The following GNAQ variants were observed in gnomAD, a reference collection of about 807,000 sequenced individuals.
GNAQ encodes the protein guanine nucleotide-binding protein G(q) subunit alpha.
Under a neutral mutation model 43.9 loss-of-function variants are expected in GNAQ, and 8 were observed. That is an observed-to-expected ratio of 0.18 (90% CI 0.11 to 0.33). The LOEUF (loss-of-function observed/expected upper bound fraction) is 0.33. Ranked by LOEUF, GNAQ falls within the 10% of genes least tolerant of loss-of-function variation. The probability of loss-of-function intolerance (pLI) is 1.00; values close to 1 mark genes in which losing one functional copy is unlikely to be tolerated. For missense variants in GNAQ, 158 were observed against 450.8 expected (o/e 0.35, Z 5.88); for synonymous variants, 155 against 170.7 (o/e 0.91, Z 0.71).
intron 2 of GNAQ, among the ~76,000 whole-genome samples, chr9:77,876,494 C>T (rs78260230): frequency 0.012 from 1,782 of 152,278 alleles, 25 homozygotes; most frequent in African/African-American, 0.04. Flanking sequence ...ACTTTACCTG[C>T]TGGATAACAG....
intron 2 of GNAQ, among the ~76,000 whole-genome samples, chr9:77,827,291 G>A (rs1827213336): frequency 6.7e-6 from 1 of 149,114 alleles, no homozygotes; most frequent in Non-Finnish European, 1.5e-5. Context: ...ATGCTCTTCT[G>A]CTTGAATTCT....
At chr9:77,834,751 T>C (rs1281335677) in intron 2 of GNAQ, among the ~76,000 whole-genome samples, 2 of 152,178 alleles carry the variant, frequency 1.3e-5, no homozygotes, top group South Asian at 2.1e-4. Flanking sequence ...TATCAAGAAC[T>C]TTCTTCCTGT....
At chr9:77,773,478 A>G (rs1826260731) in intron 5 of GNAQ, among the ~76,000 whole-genome samples, 1 of 152,204 alleles carries the variant, frequency 6.6e-6, no homozygotes, top group Non-Finnish European at 1.5e-5. Flanking sequence ...CTCATTCTTC[A>G]CATTATGAGG....
At chr9:77,896,003 T>C (rs1828497991) in intron 2 of GNAQ, among the ~76,000 whole-genome samples, 1 of 152,146 alleles carries the variant, frequency 6.6e-6, no homozygotes, top group Admixed American at 6.5e-5. Flanking sequence ...GGGTATGTCT[T>C]TACCAGCAGC....
At chr9:77,924,307 C>A (rs558343771) in intron 1 of GNAQ, among the ~76,000 whole-genome samples, 1 of 152,010 alleles carries the variant, frequency 6.6e-6, no homozygotes, top group Non-Finnish European at 1.5e-5. Flanking sequence ...TATCAACCAA[C>A]GATTTATAGA....
intron 3 of GNAQ, among the ~76,000 whole-genome samples, chr9:77,804,625 C>T (rs1313944462): frequency 6.6e-6 from 1 of 152,160 alleles, no homozygotes; most frequent in African/African-American, 2.4e-5. Flanking sequence ...AAATTTCATG[C>T]AAATCCAACC....
intron 1 of GNAQ, among the ~76,000 whole-genome samples, chr9:77,969,483 T>G (rs915594482): frequency 2.0e-5 from 3 of 152,144 alleles, no homozygotes; most frequent in African/African-American, 7.2e-5. Context: ...AGAATACAAT[T>G]AAGGCCAACT....
At chr9:77,882,933 T>G (rs1227967012) in intron 2 of GNAQ, among the ~76,000 whole-genome samples, 3 of 152,202 alleles carry the variant, frequency 2.0e-5, no homozygotes, top group African/African-American at 7.2e-5. Flanking sequence ...CCAATAAGTC[T>G]ATTGTTGTTA....
At chr9:77,888,416 T>C (rs1361263711) in intron 2 of GNAQ, among the ~76,000 whole-genome samples, 1 of 152,248 alleles carries the variant, frequency 6.6e-6, no homozygotes, top group South Asian at 2.1e-4. Flanking sequence ...AGAGAAAACA[T>C]CTAAATAGGA....
chr9:77,890,367 T>C (rs1330161539), intron 2 of GNAQ, among the ~76,000 whole-genome samples: 1 of 152,198 alleles, frequency 6.6e-6, no homozygotes, highest in Non-Finnish European at 1.5e-5. Flanking sequence ...TTTCTAAATG[T>C]TCTTATTTCA....
intron 2 of GNAQ, among the ~76,000 whole-genome samples, chr9:77,853,905 T>C (rs1221811673): frequency 1.3e-5 from 2 of 152,120 alleles, no homozygotes; most frequent in African/African-American, 2.4e-5. Flanking sequence ...TAAATGAATT[T>C]TGGAGTGCCT....
chr9:77,840,350 T>G lies in GNAQ; in HGVS notation c.322-24580A>C, dbSNP rs143575886. On this transcript the variant is annotated intron_variant, in intron 2 of 6. Transcript: ENST00000286548. The stretch of plus-strand genomic sequence containing the variant: ...TGCAGATGTGTGCATTTGATTACTT[T>G]TTGTTTTTTTTTTTTTTTAGACGGA... 2.9e-5 allele frequency among the ~76,000 whole-genome samples: 3 copies of G among 102,258 alleles called. No individual in the cohort carries two copies. The Admixed American group carries it at 3.2e-4, about 11-fold the overall frequency. The allele number at this position is 102,258 out of a possible 152,430, so 67.1% of individuals were successfully genotyped here.
At chr9:77,922,436 T>A in intron 1 of GNAQ, 91 bp from the exon 2 acceptor site, 2 of 813,476 alleles carry the variant, frequency 2.5e-6, no homozygotes, top group Non-Finnish European at 4.0e-6. Flanking sequence ...GGATTTAACA[T>A]CCCCAGATAG....
chr9:77,987,120 T>G (rs2118511391), intron 1 of GNAQ, among the ~76,000 whole-genome samples: 1 of 152,326 alleles, frequency 6.6e-6, no homozygotes, highest in Middle Eastern at 3.4e-3. Context: ...TTTTCTTTTC[T>G]TTGCCTGTCG....
At chr9:77,784,891 T>C (rs1268126157) in intron 5 of GNAQ, among the ~76,000 whole-genome samples, 1 of 152,232 alleles carries the variant, frequency 6.6e-6, no homozygotes, top group Non-Finnish European at 1.5e-5. Flanking sequence ...ACCACAATGA[T>C]ATGCTACTAT....
intron 5 of GNAQ, among the ~76,000 whole-genome samples, chr9:77,755,534 CATGA>C (rs1472499632): frequency 1.3e-5 from 2 of 152,270 alleles, no homozygotes; most frequent in Admixed American, 1.3e-4. Context: ...GGACATATGT[CATGA>C]ATATTTCCTC....
chr9:77,739,928 A>G (rs1305769758), intron 5 of GNAQ, among the ~76,000 whole-genome samples: 1 of 152,190 alleles, frequency 6.6e-6, no homozygotes, highest in Non-Finnish European at 1.5e-5. Flanking sequence ...AACACTAAAT[A>G]CCTTGGTAAT....
At chr9:77,766,750 A>G (rs1826142756) in intron 5 of GNAQ, among the ~76,000 whole-genome samples, 1 of 152,124 alleles carries the variant, frequency 6.6e-6, no homozygotes, top group Non-Finnish European at 1.5e-5. Context: ...TGGGTGTTTA[A>G]CTAGTGACAA....
intron 5 of GNAQ, among the ~76,000 whole-genome samples, chr9:77,755,648 T>C (rs888934331): frequency 2.0e-5 from 3 of 152,250 alleles, no homozygotes; most frequent in African/African-American, 4.8e-5. Context: ...ATAAGATTTA[T>C]TGACTTCATA....
Sources: gnomAD v4.1 joint callset for allele counts (sites outside exome capture counted in the v4.1 genomes callset) on GRCh38, gnomAD v4.1.1 for gene constraint, MANE v1.5 for transcripts, NCBI Gene and HGNC (gene_info 2026-07-23, HGNC 2026-07-21) for gene names.